The following THSD1 variants were observed in gnomAD, a reference collection of about 807,000 sequenced individuals.
THSD1 encodes thrombospondin type-1 domain-containing protein 1.
THSD1 carries 34 observed loss-of-function variants against 46.3 expected under a neutral mutation model. The ratio of observed to expected loss-of-function variants is 0.74; its 90% CI spans 0.56 to 0.98. THSD1 has a LOEUF of 0.98. Ranked by LOEUF, THSD1 falls within the 50% of genes least tolerant of loss-of-function variation. The pLI is 0.00. For missense variants in THSD1, 1,023 were observed against 1,058.3 expected, an observed-to-expected ratio of 0.97 and a Z score of 0.46; for synonymous variants, 407 against 416.5, an observed-to-expected ratio of 0.98 and a Z score of 0.28.
At chr13:52,392,049 G>A (rs868472316) in intron 3 of THSD1, among the ~76,000 whole-genome samples, 1 of 151,504 alleles carries the variant, frequency 6.6e-6, no homozygotes, top group Non-Finnish European at 1.5e-5. Context: ...AAAATTAGCC[G>A]GGCGTGGTGG....
intron 3 of THSD1, among the ~76,000 whole-genome samples, chr13:52,394,475 A>G (rs61958017): frequency 0.072 from 10,896 of 152,120 alleles, 522 homozygotes; most frequent in African/African-American, 0.13. Flanking sequence ...TTAGCCAGGC[A>G]TGGTGGGGCG....
At position 52,397,785 on chromosome 13, in the gene THSD1, G is replaced by A. The variant is rs137951057; in HGVS notation, c.468C>T (p.Cys156=). The A allele has an allele frequency of 1.2e-6, 2 of 1,614,244 alleles. No homozygotes were observed. The highest frequency in any genetic ancestry group is 2.2e-5 in the East Asian group (1 of 44,890). ...QVGLFTSQPL[C]PFPVDKPNIV... Reference sequence around the variant, plus strand: ...TGTTGGGCTTGTCCACAGGAAACGGGCACAGTGGTTGACTGGTAAATAGGC... The same window carrying A: ...TGTTGGGCTTGTCCACAGGAAACGGACACAGTGGTTGACTGGTAAATAGGC... The change falls in exon 3 of 5, where the codon TGC becomes TGT. Residue 156 remains cysteine, a synonymous_variant. Transcript: ENST00000258613.
At chr13:52,389,804 C>G (rs185296347) in intron 3 of THSD1, among the ~76,000 whole-genome samples, 1 of 151,936 alleles carries the variant, frequency 6.6e-6, no homozygotes, top group African/African-American at 2.4e-5. Context: ...CAAGCAGATA[C>G]GTAATCACTG....
At chr13:52,383,921 G>A (rs956246231) in intron 4 of THSD1, among the ~76,000 whole-genome samples, 19 of 152,138 alleles carry the variant, frequency 1.2e-4, no homozygotes, top group African/African-American at 4.1e-4. Flanking sequence ...TTAAGATGCC[G>A]GCTGGGCGTA....
intron 1 of THSD1, among the ~76,000 whole-genome samples, chr13:52,405,459 G>GT (rs1957899486): frequency 6.6e-6 from 1 of 152,164 alleles, no homozygotes; most frequent in Non-Finnish European, 1.5e-5. Flanking sequence ...GAAATCTCTA[G>GT]TTCTAAAGCA....
chr13:52,397,547 G>A lies in THSD1; in HGVS notation c.706C>T (p.Leu236=), dbSNP rs1316586951. ...AGTTTGTATCCAAATTTCTGGGCCAGGTCAATGGGTCCTGTGGAGGTAATG... is the reference window on the plus strand; with the variant it reads ...AGTTTGTATCCAAATTTCTGGGCCAAGTCAATGGGTCCTGTGGAGGTAATG... The part of the protein sequence containing the change: ...SVITSTGPID[L]AQKFGYKLVM... Residue 236 remains leucine, a synonymous_variant, in exon 3 of 5, where the codon CTG becomes TTG. Coordinates refer to ENST00000258613, the MANE Select transcript of THSD1 (RefSeq NM_018676.4). 6.2e-7 allele frequency: 1 copy of A among 1,614,176 alleles called. No homozygotes were observed. Among genetic ancestry groups the A allele is most frequent in the South Asian group, 1.1e-5 (1 of 91,086 alleles).
Position 52,378,253 on chromosome 13 carries a change from C to T in THSD1, c.1717G>A (p.Asp573Asn). ...GCAGCTTCTTCCGGGCTTTCCAAAT[C>T]TAAGGGAGCGCTGGGGGCCGCATCA... Reference protein sequence around the residue: ...AIDAAPSAPLDLESPEEAAAN... With the variant: ...AIDAAPSAPLNLESPEEAAAN... Residue 573 changes from aspartate (D) to asparagine (N), a missense_variant, in exon 5 of 5, where the codon GAT becomes AAT. Physicochemically the swap from Asp to Asn is conservative, Grantham distance 23. Coordinates refer to ENST00000258613, the MANE Select transcript of THSD1 (RefSeq NM_018676.4). 1 of 1,614,214 alleles carries T rather than the reference C, an allele frequency of 6.2e-7. No homozygotes were observed. Among genetic ancestry groups the T allele is most frequent in the Non-Finnish European group, 8.5e-7 (1 of 1,180,044 alleles).
intron 3 of THSD1, among the ~76,000 whole-genome samples, chr13:52,390,180 C>T (rs141451157): frequency 0.011 from 1,607 of 151,878 alleles, 25 homozygotes; most frequent in African/African-American, 0.036. Context: ...TTCTGTCTAT[C>T]AGTACCCATC....
At chr13:52,403,844 T>A (rs1342434825) in intron 1 of THSD1, among the ~76,000 whole-genome samples, 1 of 151,966 alleles carries the variant, frequency 6.6e-6, no homozygotes, top group Non-Finnish European at 1.5e-5. Flanking sequence ...TTTAAGACAG[T>A]TCTTTCATAC....
chr13:52,401,198 C>A (rs1376034230), intron 2 of THSD1, among the ~76,000 whole-genome samples: 1 of 152,216 alleles, frequency 6.6e-6, no homozygotes, highest in Non-Finnish European at 1.5e-5. Context: ...TGGTCTCAAT[C>A]TCTTGACCTC....
At position 52,402,396 on chromosome 13, in the gene THSD1, G is replaced by A. The variant is rs1457020734; in HGVS notation, c.58+147C>T. On this transcript the variant is annotated intron_variant, in intron 2 of 4. Coordinates refer to ENST00000258613, the MANE Select transcript of THSD1 (RefSeq NM_018676.4). ...AATCACTGAAGCATAAGAGAACCCA[G>A]GGTTGCAAGGGTCACAGTTGAGAAA... The A allele has an allele frequency of 3.7e-5, 18 of 484,102 alleles. No individual in the cohort carries two copies. In the East Asian group the frequency reaches 6.1e-4, roughly 16 times the overall value. The allele number at this position is 484,102 out of a possible 1,614,324, so 30.0% of individuals were successfully genotyped here.
Position 52,378,513 on chromosome 13 carries a change from G to T in THSD1, c.1457C>A (p.Thr486Lys). 1 of 1,614,124 alleles carries T rather than the reference G, an allele frequency of 6.2e-7. No individual in the cohort carries two copies. The highest frequency in any genetic ancestry group is 1.3e-5 in the African/African-American group (1 of 75,046). Residue 486 changes from threonine to lysine, a missense_variant, in exon 5 of 5, where the codon ACG becomes AAG. Physicochemically the swap from Thr to Lys is moderately conservative, Grantham distance 78 (BLOSUM62 -1). Around this residue, in one of 3 missense-constraint regions of THSD1, gnomAD observed 578 missense variants for 497.4 expected, o/e 1.16. Transcript: ENST00000258613. Reference sequence around the variant, plus strand: ...GATGCCTGTGTCCCCTGGACTCCCCGTGGGCCCGTCTCCCCCATCCGAGAA... The same window carrying T: ...GATGCCTGTGTCCCCTGGACTCCCCTTGGGCCCGTCTCCCCCATCCGAGAA... The part of the protein sequence containing the change: ...GSFSDGGDGP[T>K]GSPGDTGIPL...
At position 52,388,816 on chromosome 13, in the gene THSD1, T is replaced by A. The variant is rs144435752; in HGVS notation, c.1022-2630A>T. 3.3e-3 allele frequency among the ~76,000 whole-genome samples: 497 copies of A among 152,094 alleles called. 3 individuals are homozygous for A. The highest frequency in any genetic ancestry group is 0.011 in the African/African-American group (448 of 41,472). On this transcript the variant is annotated intron_variant, in intron 3 of 4. Transcript: ENST00000258613. ...TTTAATAGCATATATAAAGTAAAAT[T>A]ATGACAACGATCACACAAAGAATGG...
At chr13:52,402,783 G>A in intron 1 of THSD1, 102 bp from the exon 2 acceptor site, 2 of 1,386,636 alleles carry the variant, frequency 1.4e-6, no homozygotes, top group East Asian at 2.6e-5. Context: ...CTTTCTAAGT[G>A]ATATTGAAAG....
intron 4 of THSD1, chr13:52,384,202 AAGAAG>A (rs1957713608): frequency 2.4e-5 from 7 of 297,460 alleles, no homozygotes; most frequent in South Asian, 1.2e-4. Flanking sequence ...AAAAAAAAAA[AAGAAG>A]AAGAAGATGC....
chr13:52,389,394 T>C (rs1957756934), intron 3 of THSD1, among the ~76,000 whole-genome samples: 1 of 151,914 alleles, frequency 6.6e-6, no homozygotes, highest in Non-Finnish European at 1.5e-5. Flanking sequence ...CAAATATAAA[T>C]CCAGCAAAAT....
chr13:52,398,437 T>C (rs1957828298), intron 2 of THSD1: 1 of 756,220 alleles, frequency 1.3e-6, no homozygotes, highest in East Asian at 1.3e-4. Flanking sequence ...ACCCAGCTAA[T>C]TTTCTTTTTG....
intron 3 of THSD1, among the ~76,000 whole-genome samples, chr13:52,386,938 A>G (rs1957735607): frequency 6.6e-6 from 1 of 152,198 alleles, no homozygotes; most frequent in Non-Finnish European, 1.5e-5. Flanking sequence ...AGACTATTAG[A>G]GATCATCTAC....
Position 52,397,777 on chromosome 13 carries a change from G to A in THSD1, c.476C>T (p.Pro159Leu), listed in dbSNP as rs2137745076. ...LFTSQPLCPF[P>L]VDKPNIVVDV... ...CACTACGATGTTGGGCTTGTCCACAGGAAACGGGCACAGTGGTTGACTGGT... is the reference window on the plus strand; with the variant it reads ...CACTACGATGTTGGGCTTGTCCACAAGAAACGGGCACAGTGGTTGACTGGT... The change falls in exon 3 of 5, where the codon CCT (proline) becomes CTT (leucine). Residue 159 changes from proline (P) to leucine (L), a missense_variant. By Grantham distance (98) the Pro-to-Leu change is moderately conservative (BLOSUM62 -3). This residue lies in a region of THSD1 where 429 missense variants were observed against 518.3 expected (regional missense o/e 0.83). Transcript: ENST00000258613. 6.2e-7 allele frequency: 1 copy of A among 1,614,250 alleles called. No homozygotes were observed. Among genetic ancestry groups the A allele is most frequent in the Non-Finnish European group, 8.5e-7 (1 of 1,180,044 alleles).
Sources: allele counts gnomAD v4.1 joint callset (sites outside exome capture counted in the v4.1 genomes callset), GRCh38; gene constraint gnomAD v4.1.1; regional missense constraint gnomAD v4.1.1; transcripts MANE v1.5; gene names NCBI Gene and HGNC (gene_info 2026-07-23, HGNC 2026-07-21).